JAZF1: variants seen among roughly 807,000 people sequenced by gnomAD.
JAZF1 encodes JAZF zinc finger 1, also known as juxtaposed with another zinc finger protein 1.
Under a neutral mutation model 26.4 loss-of-function variants are expected in JAZF1, and 8 were observed. That is an observed-to-expected ratio of 0.30 (90% CI 0.18 to 0.55). JAZF1 has a LOEUF of 0.55. Among genes scored for constraint, JAZF1 ranks in the 20% least tolerant of loss-of-function variants. JAZF1 has a pLI of 0.94. For missense variants in JAZF1, 199 were observed against 322.0 expected (o/e 0.62, Z 2.92); for synonymous variants, 126 against 122.3 (o/e 1.03, Z -0.20).
In JAZF1 at chr7:28,041,480, A is replaced by G. The variant is rs190296128; in HGVS notation, c.116-49499T>C. On this transcript the variant is annotated intron_variant, in intron 1 of 4. Coordinates refer to ENST00000283928, the MANE Select transcript of JAZF1 (RefSeq NM_175061.4). ...TTGCTATGCAAATTTCTGAGGCAGCACAGAATTCCATGGCCACATCTACTT... is the reference window on the plus strand; with the variant it reads ...TTGCTATGCAAATTTCTGAGGCAGCGCAGAATTCCATGGCCACATCTACTT... Among the ~76,000 whole-genome samples, 791 of 152,310 alleles carry G rather than the reference A, an allele frequency of 5.2e-3. 4 individuals carry two copies. Among genetic ancestry groups the G allele is most frequent in the Middle Eastern group, 0.014 (4 of 294 alleles).
Position 28,110,521 on chromosome 7 carries a change from A to AAAAGG in JAZF1, c.115+69937_115+69941dup, listed in dbSNP as rs1399422062. ...AGGAAAGGAAAAGGAAAGGAAAAGG[A>AAAAGG]AAAGGAAAAGGAAAGGAAAAGGAAA... On this transcript the variant is annotated intron_variant, in intron 1 of 4. Coordinates refer to ENST00000283928, the MANE Select transcript of JAZF1 (RefSeq NM_175061.4). Among the ~76,000 whole-genome samples, 94 of 60,218 alleles carry AAAAGG rather than the reference A, an allele frequency of 1.6e-3. 4 individuals are homozygous for AAAAGG. The highest frequency in any genetic ancestry group is 4.8e-3 in the African/African-American group (84 of 17,610). The allele number at this position is 60,218 out of a possible 152,430, so 39.5% of individuals were successfully genotyped here.
chr7:27,856,261 T>C (rs1278503512), intron 3 of JAZF1, among the ~76,000 whole-genome samples: 3 of 152,208 alleles, frequency 2.0e-5, no homozygotes, highest in African/African-American at 7.2e-5. Context: ...TTACAGCTCT[T>C]AAGGCGGCAC....
At chr7:27,930,119 C>G (rs1784665332) in intron 2 of JAZF1, among the ~76,000 whole-genome samples, 1 of 152,090 alleles carries the variant, frequency 6.6e-6, no homozygotes, top group African/African-American at 2.4e-5. Flanking sequence ...CCTCAGCCCC[C>G]CGAGTAGCTG....
chr7:27,911,888 ATATT>A (rs1277430488), intron 2 of JAZF1, among the ~76,000 whole-genome samples: 1 of 152,218 alleles, frequency 6.6e-6, no homozygotes, highest in Admixed American at 6.5e-5. Flanking sequence ...TGGGTCTCAT[ATATT>A]TTTTTCAGAC....
rs201724327 is a variant in JAZF1, at chr7:27,991,916, T to C, written c.181A>G (p.Ile61Val). The C allele has an allele frequency of 5.1e-6, 8 of 1,578,754 alleles. No individual in the cohort carries two copies. Among genetic ancestry groups the C allele is most frequent in the East Asian group, 2.2e-5 (1 of 44,634 alleles). ...QQPTYVALSY[I>V]NRFMTDAARR... ...ATTCTGAAAATGGCTTACCTATTTA[T>C]GTAACTCAGGGCAACATAGGTTGGC... The change falls in exon 2 of 5, where the codon ATA becomes GTA. Residue 61 changes from isoleucine (I) to valine (V), a missense_variant. Coordinates refer to ENST00000283928, the MANE Select transcript of JAZF1 (RefSeq NM_175061.4).
At chr7:28,149,966 C>G (rs969105324) in intron 1 of JAZF1, among the ~76,000 whole-genome samples, 1 of 152,248 alleles carries the variant, frequency 6.6e-6, no homozygotes, top group African/African-American at 2.4e-5. Context: ...ACGTAATCTG[C>G]AAGAAGGTTT....
chr7:28,068,720 G>A (rs1358265041), intron 1 of JAZF1, among the ~76,000 whole-genome samples: 1 of 151,112 alleles, frequency 6.6e-6, no homozygotes, highest in Non-Finnish European at 1.5e-5. Flanking sequence ...AAAAAAGGAG[G>A]AGGACAAAGG....
intron 2 of JAZF1, among the ~76,000 whole-genome samples, chr7:27,919,384 G>C (rs192671602): frequency 6.6e-6 from 1 of 152,182 alleles, no homozygotes; most frequent in African/African-American, 2.4e-5. Context: ...AAACCAATAA[G>C]GAATAAAGAT....
At chr7:28,111,146 A>T (rs1248518270) in intron 1 of JAZF1, among the ~76,000 whole-genome samples, 3 of 152,210 alleles carry the variant, frequency 2.0e-5, no homozygotes, top group African/African-American at 7.2e-5. Context: ...CCGAGTATCA[A>T]AGTATTCATA....
intron 1 of JAZF1, among the ~76,000 whole-genome samples, chr7:28,036,839 C>T (rs1583522732): frequency 6.6e-6 from 1 of 152,202 alleles, no homozygotes; most frequent in South Asian, 2.1e-4. Context: ...TGGGGAGAAA[C>T]ATCTGCAAAG....
chr7:28,079,953 T>C (rs1784109509), intron 1 of JAZF1, among the ~76,000 whole-genome samples: 2 of 152,220 alleles, frequency 1.3e-5, no homozygotes, highest in African/African-American at 4.8e-5. Flanking sequence ...AATTTTTTGA[T>C]TTCCCAGTGC....
intron 3 of JAZF1, among the ~76,000 whole-genome samples, chr7:27,882,172 T>C (rs1306722595): frequency 6.6e-6 from 1 of 152,054 alleles, no homozygotes; most frequent in Admixed American, 6.6e-5. Flanking sequence ...AGAATTGGGG[T>C]ACTGAGATAG....
At chr7:28,015,033 ATGTGTGTG>A (rs397804972) in intron 1 of JAZF1, among the ~76,000 whole-genome samples, 7 of 140,690 alleles carry the variant, frequency 5.0e-5, no homozygotes, top group African/African-American at 8.6e-5. Context: ...GAAAGTGTGT[ATGTGTGTG>A]TGTGTGTGTG....
chr7:28,013,447 C>A (rs2391493), intron 1 of JAZF1, among the ~76,000 whole-genome samples: 1 of 151,944 alleles, frequency 6.6e-6, no homozygotes, highest in Admixed American at 6.5e-5. Flanking sequence ...AGGCCTGTTA[C>A]AGCTCAGGAT....
chr7:27,988,920 T>TAAAAAA (rs57661404), intron 2 of JAZF1, among the ~76,000 whole-genome samples: 2 of 83,740 alleles, frequency 2.4e-5, no homozygotes, highest in Non-Finnish European at 4.5e-5. Flanking sequence ...AGAATCTCTG[T>TAAAAAA]AAAAAAAAAA....
At chr7:28,142,105 G>C (rs945723590) in intron 1 of JAZF1, among the ~76,000 whole-genome samples, 3 of 152,134 alleles carry the variant, frequency 2.0e-5, no homozygotes, top group African/African-American at 7.2e-5. Context: ...AAAAATATTA[G>C]GATTACCTTC....
At chr7:27,930,188 G>C (rs550346265) in intron 2 of JAZF1, among the ~76,000 whole-genome samples, 1 of 152,126 alleles carries the variant, frequency 6.6e-6, no homozygotes, top group South Asian at 2.1e-4. Context: ...GTAGAGACAG[G>C]GTTTCACTGT....
At chr7:27,904,163 G>T (rs1321680127) in intron 2 of JAZF1, among the ~76,000 whole-genome samples, 2 of 152,192 alleles carry the variant, frequency 1.3e-5, no homozygotes, top group Non-Finnish European at 2.9e-5. Flanking sequence ...ACAGTGCATG[G>T]CACATTTGAA....
At chr7:28,160,689 T>C (rs1343288084) in intron 1 of JAZF1, among the ~76,000 whole-genome samples, 1 of 152,178 alleles carries the variant, frequency 6.6e-6, no homozygotes, top group Non-Finnish European at 1.5e-5. Flanking sequence ...AGCTGTGTTT[T>C]AGGAAGGTCA....
Sources: gnomAD v4.1 joint callset for allele counts (sites outside exome capture counted in the v4.1 genomes callset) on GRCh38, gnomAD v4.1.1 for gene constraint, MANE v1.5 for transcripts, NCBI Gene and HGNC (gene_info 2026-07-23, HGNC 2026-07-21) for gene names.